The following FRMD3 variants were observed in gnomAD, a reference collection of about 807,000 sequenced individuals.
FRMD3 encodes FERM domain-containing protein 3.
A neutral mutation model predicts 70.2 loss-of-function variants in FRMD3; 33 were observed. That is an observed-to-expected ratio of 0.47 (90% confidence interval 0.36 to 0.63). The LOEUF (loss-of-function observed/expected upper bound fraction) is 0.63. Among genes scored for constraint, FRMD3 ranks in the 20% least tolerant of loss-of-function variants. The probability of loss-of-function intolerance (pLI) is 0.00; values close to 1 mark genes in which losing one functional copy is unlikely to be tolerated. For missense variants in FRMD3, 632 were observed against 711.4 expected (o/e 0.89, Z 1.27); for synonymous variants, 279 against 255.9 (o/e 1.09, Z -0.86).
the FRMD3 span, among the ~76,000 whole-genome samples, chr9:83,568,931 G>GAT: frequency 9.2e-6 from 1 of 108,482 alleles, no homozygotes; most frequent in African/African-American, 3.3e-5. Context: ...TAGATAGATA[G>GAT]ATAGATAGAT....
intron 1 of FRMD3, among the ~76,000 whole-genome samples, chr9:83,412,138 A>T (rs922151148): frequency 6.9e-6 from 1 of 145,942 alleles, no homozygotes; most frequent in Non-Finnish European, 1.5e-5. Context: ...TCACTTAAAT[A>T]TCAACAACAG....
intron 11 of FRMD3, 48 bp from the exon 12 acceptor site, chr9:83,298,864 A>G: frequency 6.5e-7 from 1 of 1,545,392 alleles, no homozygotes; most frequent in Non-Finnish European, 8.9e-7. Context: ...TCAGAGAAGA[A>G]TGGGAGGGAT....
intron 13 of FRMD3, among the ~76,000 whole-genome samples, chr9:83,282,949 G>A (rs1445290166): frequency 6.6e-6 from 1 of 152,028 alleles, no homozygotes; most frequent in Non-Finnish European, 1.5e-5. Flanking sequence ...TTACAACACA[G>A]TAAACACTCA....
chr9:83,392,495 AAG>A, intron 1 of FRMD3, among the ~76,000 whole-genome samples: 1 of 152,218 alleles, frequency 6.6e-6, no homozygotes, highest in East Asian at 1.9e-4. Flanking sequence ...CTCACATCAG[AAG>A]AGAGACTGGG....
At chr9:83,341,278 T>C (rs193152107) in intron 5 of FRMD3, among the ~76,000 whole-genome samples, 27 of 152,248 alleles carry the variant, frequency 1.8e-4, no homozygotes, top group Admixed American at 1.7e-3. Context: ...CACTCTACTT[T>C]CTCCACAGTG....
At chr9:83,459,398 C>T (rs11140106) in intron 1 of FRMD3, among the ~76,000 whole-genome samples, 24,279 of 152,234 alleles carry the variant, frequency 0.16, 1,979 homozygotes, top group East Asian at 0.2. Flanking sequence ...CTCTCAGCCT[C>T]ACCCCTAATT....
chr9:83,246,265 A>G lies in FRMD3; in HGVS notation c.*1653T>C, dbSNP rs1416753015. 1 of 984,906 alleles carries G rather than the reference A, an allele frequency of 1.0e-6. No homozygotes were observed. Among genetic ancestry groups the G allele is most frequent in the South Asian group, 4.7e-5 (1 of 21,270 alleles). The allele number at this position is 984,906 out of a possible 1,614,324, so 61.0% of individuals were successfully genotyped here. A position where few individuals can be genotyped will look rare whatever the true frequency, so the allele number is the denominator to read the frequency against. On this transcript the variant is annotated 3_prime_UTR_variant, in exon 14 of 14. Coordinates refer to ENST00000304195, the MANE Select transcript of FRMD3 (RefSeq NM_174938.6). ...TGTTTTCAATCCACAGAGAAGCTCT[A>G]TGCTCCATGGCATAAGTTCTAGACT...
intron 1 of FRMD3, among the ~76,000 whole-genome samples, chr9:83,462,249 C>A (rs1049071775): frequency 1.3e-5 from 2 of 152,136 alleles, no homozygotes; most frequent in Non-Finnish European, 2.9e-5. Flanking sequence ...TCCCCCATAC[C>A]ACCGGGCTGG....
chr9:83,569,198 A>T, the FRMD3 span, among the ~76,000 whole-genome samples: 1 of 152,236 alleles, frequency 6.6e-6, no homozygotes, highest in African/African-American at 2.4e-5. Context: ...AGGTAGACTA[A>T]GAAGATATCT....
chr9:83,520,541 T>A (rs1054022951), intron 1 of FRMD3, among the ~76,000 whole-genome samples: 8 of 152,168 alleles, frequency 5.3e-5, no homozygotes, highest in Non-Finnish European at 1.2e-4. Context: ...TAAACAAATT[T>A]TAATGAGTTG....
At chr9:83,482,923 A>G (rs1398001609) in intron 1 of FRMD3, among the ~76,000 whole-genome samples, 2 of 152,210 alleles carry the variant, frequency 1.3e-5, no homozygotes, top group Admixed American at 1.3e-4. Context: ...GGTGGCAGGA[A>G]GGTATGATTC....
intron 13 of FRMD3, among the ~76,000 whole-genome samples, chr9:83,254,317 GTTTTTAATATA>G (rs1187340821): frequency 1.4e-5 from 2 of 144,588 alleles, no homozygotes; most frequent in East Asian, 3.9e-4. Context: ...GGAATCACTG[GTTTTTAATATA>G]TTTTTAATAT....
intron 1 of FRMD3, among the ~76,000 whole-genome samples, chr9:83,441,949 T>A (rs1435704789): frequency 2.0e-5 from 3 of 152,216 alleles, no homozygotes; most frequent in Admixed American, 2.0e-4. Context: ...ATGAAATATG[T>A]CGGACTACTG....
chr9:83,293,807 G>A (rs555834618), intron 12 of FRMD3, among the ~76,000 whole-genome samples: 1 of 152,350 alleles, frequency 6.6e-6, no homozygotes, highest in South Asian at 2.1e-4. Context: ...GGTGACTCCT[G>A]CAGTGGATTA....
At chr9:83,454,319 C>A (rs775973572) in intron 1 of FRMD3, among the ~76,000 whole-genome samples, 22 of 152,166 alleles carry the variant, frequency 1.4e-4, no homozygotes, top group Non-Finnish European at 2.6e-4. Context: ...TGCCAGTGGG[C>A]AGCAGTAAAT....
intron 3 of FRMD3, among the ~76,000 whole-genome samples, chr9:83,357,280 TATATA>T (rs1173159627): frequency 1.4e-4 from 11 of 79,620 alleles, no homozygotes; most frequent in Non-Finnish European, 2.4e-4. Context: ...TATATATATA[TATATA>T]TATATATATA....
At chr9:83,325,481 C>A (rs933761885) in intron 6 of FRMD3, among the ~76,000 whole-genome samples, 2 of 151,546 alleles carry the variant, frequency 1.3e-5, no homozygotes, top group Non-Finnish European at 2.9e-5. Context: ...CATGCCACTA[C>A]ATCTGGCTAA....
At chr9:83,329,325 T>C (rs1275852642) in intron 6 of FRMD3, among the ~76,000 whole-genome samples, 1 of 152,190 alleles carries the variant, frequency 6.6e-6, no homozygotes, top group Non-Finnish European at 1.5e-5. Flanking sequence ...AGGGAAATGA[T>C]ACAGGGAGAG....
chr9:83,384,224 A>T (rs928022373), intron 2 of FRMD3, among the ~76,000 whole-genome samples: 2 of 152,212 alleles, frequency 1.3e-5, no homozygotes, highest in African/African-American at 4.8e-5. Context: ...CAAATTTGTG[A>T]TCAGTGACTT....
Sources: gnomAD v4.1 joint callset for allele counts (sites outside exome capture counted in the v4.1 genomes callset) on GRCh38, gnomAD v4.1.1 for gene constraint, MANE v1.5 for transcripts, NCBI Gene and HGNC (gene_info 2026-07-23, HGNC 2026-07-21) for gene names.